The following PCNX2 variants were observed in gnomAD, a reference collection of about 807,000 sequenced individuals.
The protein encoded by PCNX2 is pecanex-like protein 2.
A neutral mutation model predicts 223.8 loss-of-function variants in PCNX2; 168 were observed. That is an observed-to-expected ratio of 0.75 (90% CI 0.66 to 0.85). The LOEUF is 0.85. PCNX2 is among the 40% of genes least tolerant of loss of function. The probability of loss-of-function intolerance (pLI) is 0.00; values close to 1 mark genes in which losing one functional copy is unlikely to be tolerated. For missense variants in PCNX2, 2,507 were observed against 2,675.5 expected (o/e 0.94, Z 1.39); for synonymous variants, 1,006 against 1,052.6 (o/e 0.96, Z 0.86).
At chr1:233,312,121 C>T in the PCNX2 span, among the ~76,000 whole-genome samples, 1 of 151,866 alleles carries the variant, frequency 6.6e-6, no homozygotes, top group Non-Finnish European at 1.5e-5. Context: ...GAGCAAAACT[C>T]TGTCTCAAAA....
chr1:233,049,894 T>G (rs1671941185), intron 25 of PCNX2, among the ~76,000 whole-genome samples: 1 of 151,550 alleles, frequency 6.6e-6, no homozygotes, highest in Admixed American at 6.6e-5. Flanking sequence ...CACAAATACC[T>G]AAGAATACAT....
At chr1:233,081,475 A>G (rs1397504725) in intron 23 of PCNX2, among the ~76,000 whole-genome samples, 2 of 152,244 alleles carry the variant, frequency 1.3e-5, no homozygotes, top group Non-Finnish European at 2.9e-5. Context: ...TCGAGGCTTC[A>G]TTCCTGTTCT....
intron 23 of PCNX2, among the ~76,000 whole-genome samples, chr1:233,062,498 A>G (rs990659203): frequency 1.3e-5 from 2 of 152,094 alleles, no homozygotes; most frequent in African/African-American, 2.4e-5. Flanking sequence ...CATAGCTTAT[A>G]TTTTCATTGT....
Position 233,258,417 on chromosome 1 carries a change from T to C in PCNX2, c.1445A>G (p.His482Arg). 1 of 1,613,968 alleles carries C rather than the reference T, an allele frequency of 6.2e-7. No individual in the cohort carries two copies. Among genetic ancestry groups the C allele is most frequent in the Non-Finnish European group, 8.5e-7 (1 of 1,179,876 alleles). Residue 482 changes from histidine to arginine, a missense_variant, in exon 5 of 34, where the codon CAC (histidine) becomes CGC (arginine). This residue lies in a region of PCNX2 where 1,031 missense variants were observed against 1,021.7 expected (regional missense o/e 1.01). Transcript: ENST00000258229. The stretch of plus-strand genomic sequence containing the variant: ...CCAGGGTTCCCGTGATGAAGAACTG[T>C]GATCCTTGATGGCATTTCCCCCCTC... ...SGEGGNAIKD[H>R]SSSSREPWES...
intron 19 of PCNX2, among the ~76,000 whole-genome samples, chr1:233,145,588 C>T (rs1677395815): frequency 6.6e-6 from 1 of 152,070 alleles, no homozygotes; most frequent in Non-Finnish European, 1.5e-5. Context: ...ACAGGGCTGG[C>T]ATCTCGCCTT....
At chr1:233,282,036 C>A (rs74147362) in intron 1 of PCNX2, among the ~76,000 whole-genome samples, 1 of 151,866 alleles carries the variant, frequency 6.6e-6, no homozygotes, top group African/African-American at 2.4e-5. Context: ...TCTTCACCTC[C>A]CATTGCCTCT....
At chr1:233,030,857 C>T (rs1482191459) in intron 25 of PCNX2, among the ~76,000 whole-genome samples, 2 of 152,248 alleles carry the variant, frequency 1.3e-5, no homozygotes, top group Non-Finnish European at 2.9e-5. Flanking sequence ...AGGTTAGTAT[C>T]CATCTAATCA....
At chr1:233,058,941 G>C (rs935502395) in intron 23 of PCNX2, among the ~76,000 whole-genome samples, 2 of 152,148 alleles carry the variant, frequency 1.3e-5, no homozygotes, top group Non-Finnish European at 2.9e-5. Flanking sequence ...GGGATTACAG[G>C]TGTGAGTCAC....
chr1:233,153,682 A>G (rs1330033376), intron 19 of PCNX2, among the ~76,000 whole-genome samples: 1 of 152,232 alleles, frequency 6.6e-6, no homozygotes, highest in Non-Finnish European at 1.5e-5. Flanking sequence ...AAGTAGCAGA[A>G]CACGCACATG....
chr1:232,999,087 T>C lies in PCNX2; in HGVS notation c.5603+18A>G. ...TTCCCCCAGCATCTGGACAGAGGCATTTGTTGTAAAAACTTACCTTACCCA... is the reference window on the plus strand; with the variant it reads ...TTCCCCCAGCATCTGGACAGAGGCACTTGTTGTAAAAACTTACCTTACCCA... On this transcript the variant is annotated intron_variant, in intron 31 of 33. Transcript: ENST00000258229. The C allele has an allele frequency of 6.3e-7, 1 of 1,585,932 alleles. No individual in the cohort carries two copies. Among genetic ancestry groups the C allele is most frequent in the Non-Finnish European group, 8.6e-7 (1 of 1,162,554 alleles).
chr1:233,103,729 T>G (rs1269522325), intron 21 of PCNX2, among the ~76,000 whole-genome samples: 1 of 152,214 alleles, frequency 6.6e-6, no homozygotes, highest in Non-Finnish European at 1.5e-5. Flanking sequence ...TTGTGAATAG[T>G]GCTGCAACAA....
chr1:233,016,241 T>C (rs1262319828), intron 27 of PCNX2, among the ~76,000 whole-genome samples: 2 of 152,172 alleles, frequency 1.3e-5, no homozygotes, highest in African/African-American at 4.8e-5. Context: ...TGCCACAGAC[T>C]GCATCAGCTG....
chr1:232,985,013 G>A (rs1415532605), intron 33 of PCNX2: 1 of 152,248 alleles, frequency 6.6e-6, no homozygotes, highest in African/African-American at 2.4e-5. Context: ...CATTTTTATT[G>A]AGGAAATAAA....
chr1:233,073,229 A>G (rs761488125), intron 23 of PCNX2, among the ~76,000 whole-genome samples: 1 of 152,196 alleles, frequency 6.6e-6, no homozygotes, highest in Non-Finnish European at 1.5e-5. Context: ...TAAGGCTAGT[A>G]ATAATGTCCT....
chr1:233,118,254 C>CA (rs1047987556), intron 21 of PCNX2, among the ~76,000 whole-genome samples: 8 of 152,040 alleles, frequency 5.3e-5, no homozygotes, highest in East Asian at 1.9e-4. Context: ...TAAAGACCTA[C>CA]AAAAAACTAC....
the PCNX2 span, among the ~76,000 whole-genome samples, chr1:233,325,426 A>T: frequency 6.8e-6 from 1 of 148,124 alleles, no homozygotes; most frequent in Non-Finnish European, 1.5e-5. Context: ...TGGGAGGCCG[A>T]GGGGGGCGGA....
chr1:233,048,121 C>T (rs1454328549), intron 25 of PCNX2, among the ~76,000 whole-genome samples: 2 of 151,716 alleles, frequency 1.3e-5, no homozygotes, highest in African/African-American at 4.8e-5. Context: ...TTTGGGTAAA[C>T]AACAAAATTA....
At chr1:233,097,865 C>G (rs1196554654) in intron 21 of PCNX2, among the ~76,000 whole-genome samples, 3 of 152,096 alleles carry the variant, frequency 2.0e-5, no homozygotes, top group Non-Finnish European at 4.4e-5. Context: ...ACCATTAACC[C>G]AACTAGAAGG....
upstream of PCNX2, among the ~76,000 whole-genome samples, chr1:233,298,290 C>T (rs561282983): frequency 5.9e-5 from 9 of 152,190 alleles, no homozygotes; most frequent in South Asian, 1.7e-3. Context: ...TCAAGAAGGA[C>T]GTGATTAATA....
Sources: gnomAD v4.1 joint callset for allele counts (sites outside exome capture counted in the v4.1 genomes callset) on GRCh38, gnomAD v4.1.1 for gene constraint, gnomAD v4.1.1 regional missense constraint, MANE v1.5 for transcripts, NCBI Gene and HGNC (gene_info 2026-07-23, HGNC 2026-07-21) for gene names.